The following AZIN2 variants were observed in gnomAD, a reference collection of about 807,000 sequenced individuals.
The protein encoded by AZIN2 is antizyme inhibitor 2, also known as ODC antizyme inhibitor-2.
Under a neutral mutation model 47.8 loss-of-function variants are expected in AZIN2, and 28 were observed. The observed-to-expected ratio is 0.59, with a 90% confidence interval of 0.43 to 0.80. The LOEUF (loss-of-function observed/expected upper bound fraction) is 0.80, where lower values mean the gene tolerates loss of function less well. Ranked by LOEUF, AZIN2 falls within the 30% of genes least tolerant of loss-of-function variation. The pLI is 0.00. For missense variants in AZIN2, 535 were observed against 582.5 expected (o/e 0.92, Z 0.84); for synonymous variants, 221 against 239.4 (o/e 0.92, Z 0.71).
chr1:33,084,245 G>A (rs1641620208), intron 5 of AZIN2, 118 bp downstream of exon 5: 9 of 1,220,458 alleles, frequency 7.4e-6, no homozygotes, highest in Non-Finnish European at 1.0e-5. Flanking sequence ...CTTGCCCTCT[G>A]GGAAGACCAC....
chr1:33,117,172 G>A (rs979191588), intron 10 of AZIN2, among the ~76,000 whole-genome samples: 1 of 152,210 alleles, frequency 6.6e-6, no homozygotes, highest in Non-Finnish European at 1.5e-5. Context: ...GGGAGTAATT[G>A]TGTCTACTCT....
chr1:33,115,530 C>T (rs148104136), intron 10 of AZIN2, among the ~76,000 whole-genome samples: 3,275 of 152,112 alleles, frequency 0.022, 130 homozygotes, highest in African/African-American at 0.074. Context: ...ATGGCAAAAT[C>T]CTGTATCTAC....
chr1:33,084,273 C>T (rs915701066), intron 5 of AZIN2, 146 bp downstream of exon 5: 1 of 858,366 alleles, frequency 1.2e-6, no homozygotes, highest in South Asian at 1.7e-5. Flanking sequence ...GGAGGGGTCT[C>T]AAGGGATGAG....
At chr1:33,153,839 T>C in the AZIN2 span, among the ~76,000 whole-genome samples, 1 of 152,254 alleles carries the variant, frequency 6.6e-6, no homozygotes, top group Non-Finnish European at 1.5e-5. Flanking sequence ...CATTTTGTTA[T>C]GCATTTATCG....
intron 9 of AZIN2, 103 bp from the exon 10 acceptor site, chr1:33,097,964 G>C: frequency 1.3e-6 from 1 of 762,788 alleles, no homozygotes; most frequent in South Asian, 1.6e-5. Context: ...GTTGAGGAAT[G>C]GGTAGCCATT....
the AZIN2 span, chr1:33,158,131 G>A: frequency 1.2e-6 from 1 of 802,290 alleles, no homozygotes; most frequent in Non-Finnish European, 2.1e-6. Context: ...GAACACACTA[G>A]GTGCTCAGCA....
chr1:33,094,456 T>C, intron 7 of AZIN2, 92 bp from the exon 8 acceptor site: 1 of 1,338,160 alleles, frequency 7.5e-7, no homozygotes, highest in Non-Finnish European at 1.0e-6. Flanking sequence ...GCACAGTGTC[T>C]CATGTGCCTG....
chr1:33,158,389 G>T, the AZIN2 span: 2 of 1,606,820 alleles, frequency 1.2e-6, no homozygotes, highest in Non-Finnish European at 1.7e-6. Context: ...AGCAGGAAAG[G>T]GGGCTGCACC....
intron 11 of AZIN2, 153 bp from the exon 12 acceptor site, chr1:33,119,891 A>G: frequency 2.1e-6 from 2 of 952,072 alleles, no homozygotes; most frequent in South Asian, 3.3e-5. Context: ...AGTAGGAAGC[A>G]GTTGGGGAGG....
chr1:33,156,263 T>C, the AZIN2 span, among the ~76,000 whole-genome samples: 5 of 152,182 alleles, frequency 3.3e-5, no homozygotes, highest in African/African-American at 9.6e-5. Context: ...TGCCACACTC[T>C]CTCTCCTTCG....
In AZIN2 at chr1:33,120,188, C is replaced by T; in HGVS notation, c.*6C>T. 2 of 1,597,912 alleles carry T rather than the reference C, an allele frequency of 1.3e-6. No individual in the cohort carries two copies. Among genetic ancestry groups the T allele is most frequent in the African/African-American group, 1.3e-5 (1 of 74,738 alleles). On this transcript the variant is annotated 3_prime_UTR_variant, in exon 12 of 12. Transcript: ENST00000294517. ...CCCCAGCGAGCATCATGTGAGTGGG[C>T]CTCGTTCCCCCCGGAGAATCCCAGC...
chr1:33,131,800 T>C, the AZIN2 span, among the ~76,000 whole-genome samples: 1 of 152,206 alleles, frequency 6.6e-6, no homozygotes, highest in South Asian at 2.1e-4. Context: ...TATATTTATG[T>C]TGGACCTCAC....
At chr1:33,118,269 T>C (rs139673033) in intron 11 of AZIN2, 153 bp downstream of exon 11, 8 of 843,160 alleles carry the variant, frequency 9.5e-6, no homozygotes, top group African/African-American at 3.5e-5. Context: ...GGCACCTGGC[T>C]GTGGCCATAA....
At chr1:33,152,508 G>A in the AZIN2 span, among the ~76,000 whole-genome samples, 2 of 151,666 alleles carry the variant, frequency 1.3e-5, no homozygotes, top group South Asian at 2.1e-4. Flanking sequence ...CGGAGGTTGT[G>A]GTGAGCCAAG....
chr1:33,116,324 T>C (rs1437574865), intron 10 of AZIN2, among the ~76,000 whole-genome samples: 1 of 152,230 alleles, frequency 6.6e-6, no homozygotes, highest in Non-Finnish European at 1.5e-5. Flanking sequence ...ATATGAGCAC[T>C]ATTTCTGCTT....
At chr1:33,103,547 T>C (rs1643865817) in intron 10 of AZIN2, among the ~76,000 whole-genome samples, 2 of 152,184 alleles carry the variant, frequency 1.3e-5, no homozygotes, top group Admixed American at 6.5e-5. Flanking sequence ...CCTAGTCAGA[T>C]AATTTTGATA....
intron 10 of AZIN2, among the ~76,000 whole-genome samples, chr1:33,103,070 G>A (rs1271943123): frequency 6.6e-6 from 1 of 151,992 alleles, no homozygotes; most frequent in African/African-American, 2.4e-5. Context: ...AGCCACCATT[G>A]CCTCCTGCTT....
At chr1:33,111,893 G>GCGCC (rs1359021378) in intron 10 of AZIN2, among the ~76,000 whole-genome samples, 1 of 152,032 alleles carries the variant, frequency 6.6e-6, no homozygotes, top group African/African-American at 2.4e-5. Flanking sequence ...GTGAACCACG[G>GCGCC]CGCCCGGCCT....
the AZIN2 span, among the ~76,000 whole-genome samples, chr1:33,153,094 G>A: frequency 1.3e-5 from 2 of 152,210 alleles, no homozygotes; most frequent in African/African-American, 2.4e-5. Flanking sequence ...GACAGGTGCT[G>A]GATGGGGTTC....
Sources: gnomAD v4.1 joint callset for allele counts (sites outside exome capture counted in the v4.1 genomes callset) on GRCh38, gnomAD v4.1.1 for gene constraint, MANE v1.5 for transcripts, NCBI Gene and HGNC (gene_info 2026-07-23, HGNC 2026-07-21) for gene names.